MYO1B: variants seen among roughly 807,000 people sequenced by gnomAD.
The protein encoded by MYO1B is myosin IB, also known as unconventional myosin-Ib.
MYO1B carries 72 observed loss-of-function variants against 159.7 expected under a neutral mutation model. The ratio of observed to expected loss-of-function variants is 0.45; its 90% confidence interval spans 0.37 to 0.55. The LOEUF (loss-of-function observed/expected upper bound fraction) is 0.55. Among genes scored for constraint, MYO1B ranks in the 20% least tolerant of loss-of-function variants. The pLI, the probability that MYO1B is intolerant of heterozygous loss-of-function variation, is 0.00. For synonymous variants in MYO1B, 468 were observed against 473.8 expected (o/e 0.99, Z 0.16); for missense variants, 1,062 against 1,364.8 (o/e 0.78, Z 3.50).
intron 26 of MYO1B, among the ~76,000 whole-genome samples, 191 bp downstream of exon 26, chr2:191,409,369 C>T (rs1460430352): frequency 6.6e-6 from 1 of 152,216 alleles, no homozygotes; most frequent in Non-Finnish European, 1.5e-5. Flanking sequence ...CAGGCGTTCC[C>T]TGTGCGGTCG....
chr2:191,394,350 C>T (rs544756307), intron 20 of MYO1B, among the ~76,000 whole-genome samples: 133 of 152,216 alleles, frequency 8.7e-4, no homozygotes, highest in African/African-American at 3.1e-3. Flanking sequence ...TTCTGTTAGC[C>T]TGAGAAAGGG....
At chr2:191,335,082 C>G (rs1011143377) in intron 4 of MYO1B, among the ~76,000 whole-genome samples, 14 of 152,142 alleles carry the variant, frequency 9.2e-5, no homozygotes, top group African/African-American at 3.1e-4. Flanking sequence ...TTCTTGGACC[C>G]TGTGATGAAC....
chr2:191,371,517 T>A (rs185536832), intron 13 of MYO1B, among the ~76,000 whole-genome samples: 2 of 152,282 alleles, frequency 1.3e-5, no homozygotes, highest in Admixed American at 6.5e-5. Context: ...ATGAATTCCA[T>A]TTTACAGATG....
intron 13 of MYO1B, among the ~76,000 whole-genome samples, chr2:191,373,846 T>G (rs920607027): frequency 6.6e-6 from 1 of 152,146 alleles, no homozygotes; most frequent in Non-Finnish European, 1.5e-5. Context: ...TTTCTTTTTT[T>G]CCCCCCAGTT....
At chr2:191,330,855 G>T (rs1022955201) in intron 4 of MYO1B, among the ~76,000 whole-genome samples, 1 of 152,156 alleles carries the variant, frequency 6.6e-6, no homozygotes, top group African/African-American at 2.4e-5. Context: ...GTATTCAAAG[G>T]TGGAATTTTA....
chr2:191,407,885 G>A lies in MYO1B; in HGVS notation c.2557-230G>A, dbSNP rs577667177. 9 of 337,952 alleles carry A rather than the reference G, an allele frequency of 2.7e-5. No homozygotes were observed. In the South Asian group the frequency reaches 1.1e-3, roughly 40 times the overall value. The allele number at this position is 337,952 out of a possible 1,614,324, so 20.9% of individuals were successfully genotyped here. On this transcript the variant is annotated intron_variant, in intron 24 of 30. Coordinates refer to ENST00000392318, the MANE Select transcript of MYO1B (RefSeq NM_001130158.3). ...CATCAGATTCTTCAAAAACTACTAA[G>A]AGGATTTAAAACATCAATTCATGCT...
chr2:191,412,845 GA>G (rs34942379), intron 27 of MYO1B, among the ~76,000 whole-genome samples: 122,755 of 151,584 alleles, frequency 0.81, 53,778 homozygotes, highest in Non-Finnish European at 0.98. Flanking sequence ...GTTTGTTTGG[GA>G]AAAAAAAAAT....
At chr2:191,303,532 C>T (rs1461261212) in intron 3 of MYO1B, among the ~76,000 whole-genome samples, 8 of 152,114 alleles carry the variant, frequency 5.3e-5, no homozygotes, top group Admixed American at 5.2e-4. Flanking sequence ...TGAGAGCTTA[C>T]CCTGTGCCAG....
intron 7 of MYO1B, among the ~76,000 whole-genome samples, chr2:191,358,443 C>T (rs1465331538): frequency 6.6e-6 from 1 of 152,154 alleles, no homozygotes; most frequent in Admixed American, 6.5e-5. Context: ...TACACTTTGC[C>T]AGCATTCCTT....
intron 1 of MYO1B, chr2:191,248,122 T>C: frequency 1.6e-6 from 1 of 621,108 alleles, no homozygotes; most frequent in South Asian, 7.1e-5. Flanking sequence ...CTGTTTTCAA[T>C]AGCTGAACAT....
At chr2:191,358,128 A>G (rs1038705913) in intron 7 of MYO1B, among the ~76,000 whole-genome samples, 1 of 152,142 alleles carries the variant, frequency 6.6e-6, no homozygotes, top group Non-Finnish European at 1.5e-5. Flanking sequence ...GGAAAATTAT[A>G]AAGACTGTAA....
chr2:191,382,238 G>A (rs902307261), intron 14 of MYO1B, among the ~76,000 whole-genome samples: 2 of 151,524 alleles, frequency 1.3e-5, no homozygotes, highest in Non-Finnish European at 2.9e-5. Flanking sequence ...TAATATTTTA[G>A]TAATGATATT....
At chr2:191,343,405 A>G (rs10195693) in intron 5 of MYO1B, among the ~76,000 whole-genome samples, 3,350 of 152,200 alleles carry the variant, frequency 0.022, 112 homozygotes, top group African/African-American at 0.075. Context: ...ACCCCAAGAC[A>G]CACTTCCCAT....
intron 7 of MYO1B, among the ~76,000 whole-genome samples, chr2:191,356,678 G>T (rs1031591462): frequency 1.4e-4 from 21 of 152,070 alleles, no homozygotes; most frequent in African/African-American, 5.1e-4. Context: ...TCGTTAATTG[G>T]TGTTTATTAG....
chr2:191,296,292 G>GCACA, intron 3 of MYO1B, 66 bp downstream of exon 3: 12 of 765,678 alleles, frequency 1.6e-5, no homozygotes, highest in Non-Finnish European at 2.3e-5. Context: ...ACAGATGTGT[G>GCACA]CAGCTGTCTC....
At position 191,408,151 on chromosome 2, in the gene MYO1B, G is replaced by A; in HGVS notation, c.2593G>A (p.Ala865Thr). 6.2e-7 allele frequency: 1 copy of A among 1,613,418 alleles called. No homozygotes were observed. The highest frequency in any genetic ancestry group is 8.5e-7 in the Non-Finnish European group (1 of 1,179,522). Reference sequence around the variant, plus strand: ...ATACAGGAAATTCTTCAGAGCCAATGCTGGAAAGAAAATCTATGAGTTTAC... The same window carrying A: ...ATACAGGAAATTCTTCAGAGCCAATACTGGAAAGAAAATCTATGAGTTTAC... ...REYRKFFRAN[A>T]GKKIYEFTLQ... Residue 865 changes from alanine (A) to threonine (T), a missense_variant, in exon 25 of 31, where the codon GCT (alanine) becomes ACT (threonine). Ala to Thr is a moderately conservative substitution (Grantham distance 58, BLOSUM62 0). Coordinates refer to ENST00000392318, the MANE Select transcript of MYO1B (RefSeq NM_001130158.3).
chr2:191,348,665 T>G (rs911796219), intron 6 of MYO1B, among the ~76,000 whole-genome samples: 3 of 152,108 alleles, frequency 2.0e-5, no homozygotes, highest in Non-Finnish European at 2.9e-5. Context: ...CTCAATTCTG[T>G]TTACTTTTTC....
intron 13 of MYO1B, among the ~76,000 whole-genome samples, chr2:191,375,190 A>AT (rs1199313034): frequency 6.6e-6 from 1 of 152,202 alleles, no homozygotes; most frequent in Non-Finnish European, 1.5e-5. Flanking sequence ...AGTGACCCAT[A>AT]TATGGTAAGA....
In MYO1B at chr2:191,387,284, T is replaced by C. The variant is rs1574575223; in HGVS notation, c.1615T>C (p.Ser539Pro). 6.2e-7 allele frequency: 1 copy of C among 1,614,154 alleles called. No homozygotes were observed. Residue 539 changes from serine to proline, a missense_variant, in exon 17 of 31, where the codon TCC becomes CCC. Around this residue, in one of 5 missense-constraint regions of MYO1B, gnomAD observed 609 missense variants for 744.4 expected, o/e 0.82. Coordinates refer to ENST00000392318, the MANE Select transcript of MYO1B (RefSeq NM_001130158.3). The part of the protein sequence containing the change: ...KNNDLLYRDL[S>P]QAMWKASHAL... The stretch of plus-strand genomic sequence containing the variant: ...CAATGACCTTCTCTATCGAGACCTG[T>C]CCCAAGCCATGTGGAAGGCCAGCCA...
Sources: allele counts gnomAD v4.1 joint callset (sites outside exome capture counted in the v4.1 genomes callset), GRCh38; gene constraint gnomAD v4.1.1; regional missense constraint gnomAD v4.1.1; transcripts MANE v1.5; gene names NCBI Gene and HGNC (gene_info 2026-07-23, HGNC 2026-07-21).